YJEFN3: variants seen among roughly 807,000 people sequenced by gnomAD.
The protein encoded by YJEFN3 is YjeF N-terminal domain containing 3.
A neutral mutation model predicts 31.5 loss-of-function variants in YJEFN3; 29 were observed. That is an observed-to-expected ratio of 0.92 (90% CI 0.69 to 1.26). The LOEUF is 1.26. Among genes scored for constraint, YJEFN3 ranks in the 50% most tolerant of loss-of-function variants. The pLI is 0.00. For missense variants in YJEFN3, 442 were observed against 425.4 expected (o/e 1.04, Z -0.34); for synonymous variants, 227 against 196.1 (o/e 1.16, Z -1.32).
chr19:19,530,029 C>T (rs1382866024), intron 2 of YJEFN3, among the ~76,000 whole-genome samples: 1 of 152,088 alleles, frequency 6.6e-6, no homozygotes, highest in Non-Finnish European at 1.5e-5. Flanking sequence ...GCCAGGTGAT[C>T]CCCCGTGGTG....
At chr19:19,531,852 C>T (rs2061160065) in intron 2 of YJEFN3, among the ~76,000 whole-genome samples, 2 of 149,490 alleles carry the variant, frequency 1.3e-5, no homozygotes, top group African/African-American at 5.0e-5. Flanking sequence ...CAGGTTCAAG[C>T]CTTAGCCTCC....
intron 3 of YJEFN3, chr19:19,533,215 G>T: frequency 1.0e-6 from 1 of 991,222 alleles, no homozygotes; most frequent in Non-Finnish European, 1.2e-6. Flanking sequence ...CCCACACCTC[G>T]AGGGGCCAGG....
rs763556401 is a variant in YJEFN3 at position 19,529,336 on chromosome 19, G to C, written c.60-28G>C. 3.8e-6 allele frequency: 6 copies of C among 1,591,976 alleles called. No homozygotes were observed. The Admixed American group carries it at 8.7e-5, about 23-fold the overall frequency. ...GCTCCCCCACCGAACCCCAACCGTG[G>C]CCCACCCCCACTCTCCATCTCTCCC... On this transcript the variant is annotated intron_variant, in intron 1 of 6. Coordinates refer to ENST00000514277, the MANE Select transcript of YJEFN3 (RefSeq NM_198537.4).
At chr19:19,531,709 A>G (rs1180897756) in intron 2 of YJEFN3, among the ~76,000 whole-genome samples, 1 of 141,888 alleles carries the variant, frequency 7.0e-6, no homozygotes, top group Non-Finnish European at 1.5e-5. Flanking sequence ...TTTTCTGGCA[A>G]CAAATAACCT....
In YJEFN3 at chr19:19,535,619, C is replaced by G; in HGVS notation, c.634C>G (p.Arg212Gly). ...GGGCGAGGTCGGGGGCCCCTGCACCCGCGCGCTGGCCACGCTCAAGCTGCT... is the reference window on the plus strand; with the variant it reads ...GGGCGAGGTCGGGGGCCCCTGCACCGGCGCGCTGGCCACGCTCAAGCTGCT... The part of the protein sequence containing the change: ...EPGEVGGPCT[R>G]ALATLKLLSI... The change falls in exon 6 of 7, where the codon CGC becomes GGC. Residue 212 changes from arginine (R) to glycine (G), a missense_variant. Transcript: ENST00000514277. 3 of 1,588,082 alleles carry G rather than the reference C, an allele frequency of 1.9e-6. No homozygotes were observed. The highest frequency in any genetic ancestry group is 2.6e-6 in the Non-Finnish European group (3 of 1,167,670).
At chr19:19,533,836 G>A (rs1418647892) in intron 3 of YJEFN3, 1 of 985,354 alleles carries the variant, frequency 1.0e-6, no homozygotes, top group Admixed American at 6.1e-5. Context: ...CAACTGTCTG[G>A]TTTTTGCACT....
At chr19:19,533,095 G>C in intron 3 of YJEFN3, 2 of 1,052,124 alleles carry the variant, frequency 1.9e-6, no homozygotes, top group Non-Finnish European at 2.3e-6. Context: ...AAACAACCCT[G>C]TTCTGCAGGT....
chr19:19,535,891 A>C, intron 6 of YJEFN3: 1 of 670,848 alleles, frequency 1.5e-6, no homozygotes, highest in East Asian at 2.8e-5. Context: ...TCTTTCCTCC[A>C]CCCCAGTGCC....
intron 3 of YJEFN3, 133 bp downstream of exon 3, chr19:19,532,873 G>A: frequency 9.2e-7 from 1 of 1,091,576 alleles, no homozygotes; most frequent in Non-Finnish European, 1.3e-6. Context: ...AGCCTGATGG[G>A]TAAACTGAGG....
intron 6 of YJEFN3, among the ~76,000 whole-genome samples, chr19:19,537,067 A>G (rs2061216288): frequency 6.6e-6 from 1 of 151,944 alleles, no homozygotes; most frequent in African/African-American, 2.4e-5. Context: ...ACCTCCAAGG[A>G]CTGGGAGAGA....
rs757096072 is a variant in YJEFN3 at position 19,534,855 on chromosome 19, C to T, written c.319-179C>T. ...TGAGACCGGGCCTCTGCATCTCCAGCGGGGAAACTGAGGCCCCAAGAGGCC... is the reference window on the plus strand; with the variant it reads ...TGAGACCGGGCCTCTGCATCTCCAGTGGGGAAACTGAGGCCCCAAGAGGCC... On this transcript the variant is annotated intron_variant, in intron 3 of 6. Coordinates refer to ENST00000514277, the MANE Select transcript of YJEFN3 (RefSeq NM_198537.4). The surrounding 1 kb of genome is among the most constrained non-coding windows in gnomAD (Gnocchi z 4.6). 32 of 439,590 alleles carry T rather than the reference C, an allele frequency of 7.3e-5. 1 individual carries two copies. Among genetic ancestry groups the T allele is most frequent in the Non-Finnish European group, 1.2e-4 (31 of 252,776 alleles). The allele number at this position is 439,590 out of a possible 1,614,324, so 27.2% of individuals were successfully genotyped here. A position where few individuals can be genotyped will look rare whatever the true frequency, so the allele number is the denominator to read the frequency against.
In YJEFN3 at chr19:19,535,161, C is replaced by A; in HGVS notation, c.429+17C>A. On this transcript the variant is annotated intron_variant, in intron 4 of 6. Coordinates refer to ENST00000514277, the MANE Select transcript of YJEFN3 (RefSeq NM_198537.4). ...CGGGTGTTTGTAAGTAGCAAGGACC[C>A]CTTCGACCTCCCAAAGTCCCTGCCC... 6.3e-7 allele frequency: 1 copy of A among 1,581,080 alleles called. No individual in the cohort carries two copies. Among genetic ancestry groups the A allele is most frequent in the Non-Finnish European group, 8.6e-7 (1 of 1,161,144 alleles).
chr19:19,531,718 C>CTTTTT lies in YJEFN3; in HGVS notation c.210-888_210-884dup, dbSNP rs56747140. 1.2e-3 allele frequency among the ~76,000 whole-genome samples: 89 copies of CTTTTT among 75,866 alleles called. 11 individuals are homozygous for CTTTTT. Among genetic ancestry groups the CTTTTT allele is most frequent in the African/African-American group, 6.3e-3 (83 of 13,254 alleles). 49.8% of individuals were successfully genotyped at this position (75,866 alleles called of 152,430 possible). A position where few individuals can be genotyped will look rare whatever the true frequency, so the allele number is the denominator to read the frequency against. ...GCCACATTTTCTGGCAACAAATAAC[C>CTTTTT]TTTTTTTTTTTTTTTTTTTTTTTTT... On this transcript the variant is annotated intron_variant, in intron 2 of 6. Transcript: ENST00000514277.
intron 6 of YJEFN3, chr19:19,536,138 G>C (rs2061207233): frequency 2.8e-6 from 1 of 363,364 alleles, no homozygotes; most frequent in Admixed American, 4.5e-5. Flanking sequence ...CCACAGAGCA[G>C]GGGCACCAAG....
Position 19,537,327 on chromosome 19 carries a change from G to C in YJEFN3, c.703G>C (p.Ala235Pro), listed in dbSNP as rs370349413. ...GGACCCTCCTCCCTCAGGCTGGGAC[G>C]CAGAGACCGGCAGCGATTCGGAGGA... is the stretch of plus-strand genomic sequence containing the variant. ...VSLDIPSGWD[A>P]ETGSDSEDGL... Residue 235 changes from alanine to proline, a missense_variant, in exon 7 of 7, where the codon GCA (alanine) becomes CCA (proline). Ala to Pro is a conservative substitution (Grantham distance 27). Transcript: ENST00000514277. The C allele has an allele frequency of 3.0e-4, 483 of 1,591,804 alleles. 1 individual carries two copies. The highest frequency in any genetic ancestry group is 1.1e-3 in the Admixed American group (66 of 59,384).
chr19:19,535,844 A>AG, intron 6 of YJEFN3, 165 bp downstream of exon 6: 1 of 962,648 alleles, frequency 1.0e-6, no homozygotes, highest in Non-Finnish European at 1.6e-6. Context: ...CTGATGGGGA[A>AG]GATCGAGGCT....
At chr19:19,531,800 C>T (rs112806957) in intron 2 of YJEFN3, among the ~76,000 whole-genome samples, 4,963 of 138,542 alleles carry the variant, frequency 0.036, 98 homozygotes, top group African/African-American at 0.05. Flanking sequence ...GGCACGATCT[C>T]GGCTCACTGC....
chr19:19,535,192 G>T, intron 4 of YJEFN3, 48 bp downstream of exon 4: 1 of 1,544,240 alleles, frequency 6.5e-7, no homozygotes. Context: ...TGCCCCTGCA[G>T]AAATCACTGC....
chr19:19,532,097 C>CAT (rs1434903914), intron 2 of YJEFN3, among the ~76,000 whole-genome samples: 1 of 152,180 alleles, frequency 6.6e-6, no homozygotes, highest in African/African-American at 2.4e-5. Context: ...CAAAGGGTCT[C>CAT]ATAGCCCCAG....
Sources: gnomAD v4.1 joint callset for allele counts (sites outside exome capture counted in the v4.1 genomes callset) on GRCh38, gnomAD v4.1.1 for gene constraint, Gnocchi (gnomAD v3.1) non-coding constraint, MANE v1.5 for transcripts, NCBI Gene and HGNC (gene_info 2026-07-23, HGNC 2026-07-21) for gene names.